Variants in RGPD4 observed in about 807,000 individuals in gnomAD.
The protein encoded by RGPD4 is ranBP2-like and GRIP domain-containing protein 4.
RGPD4 carries 84 observed loss-of-function variants against 141.1 expected under a neutral mutation model. That is an observed-to-expected ratio of 0.60 (90% CI 0.50 to 0.71). RGPD4 has a LOEUF of 0.71. RGPD4 is among the 30% of genes least tolerant of loss of function. The pLI is 0.00. For synonymous variants in RGPD4, 298 were observed against 566.8 expected (o/e 0.53, Z 6.74); for missense variants, 918 against 1,622.4 (o/e 0.57, Z 7.46).
intron 7 of RGPD4, among the ~76,000 whole-genome samples, chr2:107,849,412 G>T (rs1300796953): frequency 7.8e-5 from 11 of 140,446 alleles, no homozygotes; most frequent in African/African-American, 1.4e-4. Flanking sequence ...TGTCGCCCAG[G>T]CTGGAGTGCA....
intron 1 of RGPD4, among the ~76,000 whole-genome samples, chr2:107,834,097 CTT>C (rs540935273): frequency 1.4e-5 from 2 of 144,990 alleles, no homozygotes; most frequent in African/African-American, 2.5e-5. Context: ...TGCTATAGTT[CTT>C]TTTTTTTTTG....
intron 20 of RGPD4, among the ~76,000 whole-genome samples, chr2:107,876,569 A>G (rs1172412545): frequency 2.6e-5 from 4 of 151,136 alleles, no homozygotes; most frequent in Non-Finnish European, 5.9e-5. Flanking sequence ...CACATTTACA[A>G]TTAGTTGGAG....
chr2:107,883,287 A>G, intron 22 of RGPD4: 2 of 394,700 alleles, frequency 5.1e-6, no homozygotes, highest in Non-Finnish European at 1.0e-5. Flanking sequence ...ATATAGCCCA[A>G]CACTTGGTCT....
At chr2:107,849,397 C>T (rs1371039777) in intron 7 of RGPD4, among the ~76,000 whole-genome samples, 1 of 130,040 alleles carries the variant, frequency 7.7e-6, no homozygotes, top group African/African-American at 3.1e-5. Context: ...GACGGAGTCT[C>T]GCTCTGTCGC....
rs761947525 is a variant in RGPD4, at chr2:107,827,094, A to C, written c.72+9A>C. ...CCCCGTCGCCTCGAAAGGTGAGTGG[A>C]TCTCGAAGAGACCGACGGCCTCGAC... On this transcript the variant is annotated intron_variant, in intron 1 of 22. Coordinates refer to ENST00000408999, the MANE Select transcript of RGPD4 (RefSeq NM_182588.3). 1.9e-6 allele frequency: 3 copies of C among 1,587,862 alleles called. No individual in the cohort carries two copies. Among genetic ancestry groups the C allele is most frequent in the East Asian group, 2.3e-5 (1 of 43,676 alleles).
chr2:107,872,008 T>G lies in RGPD4; in HGVS notation c.4004T>G (p.Phe1335Cys). The G allele has an allele frequency of 6.2e-7, 1 of 1,611,492 alleles. No homozygotes were observed. Among genetic ancestry groups the G allele is most frequent in the South Asian group, 1.1e-5 (1 of 90,992 alleles). The stretch of plus-strand genomic sequence containing the variant: ...GAAGAAGAGAGAGATGGACAGTACT[T>G]TGAACCTGTTGTTCCTTTACCTGAT... Reference protein sequence around the residue: ...TQEEERDGQYFEPVVPLPDLV... With the variant: ...TQEEERDGQYCEPVVPLPDLV... Residue 1335 changes from phenylalanine (F) to cysteine (C), a missense_variant, in exon 20 of 23, where the codon TTT (phenylalanine) becomes TGT (cysteine). By Grantham distance (205) the Phe-to-Cys change is radical. Coordinates refer to ENST00000408999, the MANE Select transcript of RGPD4 (RefSeq NM_182588.3).
intron 20 of RGPD4, among the ~76,000 whole-genome samples, chr2:107,876,550 C>A (rs1483918228): frequency 6.6e-6 from 1 of 151,134 alleles, no homozygotes; most frequent in Non-Finnish European, 1.5e-5. Flanking sequence ...AATATAGCTT[C>A]TTTGCTTTCA....
At chr2:107,854,732 G>A in intron 8 of RGPD4, 89 bp downstream of exon 8, 1 of 1,552,806 alleles carries the variant, frequency 6.4e-7, no homozygotes, top group African/African-American at 1.4e-5. Flanking sequence ...ATCTGTCCAG[G>A]AGATAATTTG....
rs1682897577 is a variant in RGPD4, at chr2:107,871,152, C to T, written c.3148C>T (p.Leu1050Phe). 5 of 1,610,286 alleles carry T rather than the reference C, an allele frequency of 3.1e-6. No homozygotes were observed. The highest frequency in any genetic ancestry group is 4.2e-6 in the Non-Finnish European group (5 of 1,179,712). Residue 1050 changes from leucine (L) to phenylalanine (F), a missense_variant, in exon 20 of 23, where the codon CTT becomes TTT. Transcript: ENST00000408999. ...PVVQMPEKVE[L>F]VIGEEGEKVL... ...AGTTCAAATGCCTGAAAAAGTAGAA[C>T]TTGTAATAGGAGAAGAAGGTGAAAA...
chr2:107,829,664 C>G (rs866739399), intron 1 of RGPD4, among the ~76,000 whole-genome samples: 4 of 152,122 alleles, frequency 2.6e-5, no homozygotes, highest in South Asian at 4.1e-4. Flanking sequence ...GTGGCACTTG[C>G]GAGCGCAGGA....
At chr2:107,873,037 G>A in intron 20 of RGPD4, 109 bp downstream of exon 20, 1 of 820,284 alleles carries the variant, frequency 1.2e-6, no homozygotes, top group Non-Finnish European at 1.7e-6. Context: ...GATGCTTTGT[G>A]AACACCCCCA....
intron 22 of RGPD4, among the ~76,000 whole-genome samples, chr2:107,883,409 A>G (rs1412832494): frequency 6.6e-6 from 1 of 151,492 alleles, no homozygotes; most frequent in African/African-American, 2.4e-5. Context: ...AGGCAGGCGG[A>G]TCACAAGATC....
At position 107,859,593 on chromosome 2, in the gene RGPD4, G is replaced by A. The variant is rs567654587; in HGVS notation, c.1634+39G>A. 1.7e-4 allele frequency: 279 copies of A among 1,611,542 alleles called. 5 individuals carry two copies. In the African/African-American group the frequency reaches 2.4e-3, roughly 14 times the overall value. On this transcript the variant is annotated intron_variant, in intron 11 of 22. Coordinates refer to ENST00000408999, the MANE Select transcript of RGPD4 (RefSeq NM_182588.3). Reference sequence around the variant, plus strand: ...CAAAAATATTGCTTTCACTTAGTGCGTAGGTTTTACCAGGGATTTAATCCT... The same window carrying A: ...CAAAAATATTGCTTTCACTTAGTGCATAGGTTTTACCAGGGATTTAATCCT...
intron 6 of RGPD4, among the ~76,000 whole-genome samples, chr2:107,846,770 T>C (rs1681965116): frequency 6.6e-6 from 1 of 151,530 alleles, no homozygotes; most frequent in South Asian, 2.1e-4. Flanking sequence ...ACAGGGCCAA[T>C]AATAGCATTT....
At chr2:107,883,649 A>C (rs1474623805) in intron 22 of RGPD4, among the ~76,000 whole-genome samples, 2 of 128,002 alleles carry the variant, frequency 1.6e-5, no homozygotes, top group Non-Finnish European at 3.3e-5. Flanking sequence ...ACAAAAACAA[A>C]AAACTATGAT....
intron 22 of RGPD4, among the ~76,000 whole-genome samples, chr2:107,883,526 A>C (rs1394490667): frequency 6.7e-6 from 1 of 148,984 alleles, no homozygotes; most frequent in Admixed American, 6.7e-5. Flanking sequence ...GCTACTCAGG[A>C]GGCTGAGGCA....
chr2:107,881,979 A>T (rs71419306), intron 21 of RGPD4, among the ~76,000 whole-genome samples: 1 of 151,842 alleles, frequency 6.6e-6, no homozygotes, highest in Admixed American at 6.6e-5. Flanking sequence ...GGAGGCTACC[A>T]ATGTTCCCCT....
At chr2:107,874,519 C>A (rs1683033778) in intron 20 of RGPD4, among the ~76,000 whole-genome samples, 1 of 139,376 alleles carries the variant, frequency 7.2e-6, no homozygotes, top group Non-Finnish European at 1.5e-5. Context: ...TTTAAGTATA[C>A]CAGTTTTATT....
At chr2:107,834,552 C>T (rs1170850946) in intron 1 of RGPD4, among the ~76,000 whole-genome samples, 3 of 151,872 alleles carry the variant, frequency 2.0e-5, no homozygotes, top group East Asian at 3.9e-4. Flanking sequence ...ATACTAGCCA[C>T]CTCAGTTATC....
Sources: gnomAD v4.1 joint callset for allele counts (sites outside exome capture counted in the v4.1 genomes callset) on GRCh38, gnomAD v4.1.1 for gene constraint, MANE v1.5 for transcripts, NCBI Gene and HGNC (gene_info 2026-07-23, HGNC 2026-07-21) for gene names.